The following PIK3R5 variants were observed in gnomAD, a reference collection of about 807,000 sequenced individuals.
The protein encoded by PIK3R5 is phosphoinositide-3-kinase regulatory subunit 5.
PIK3R5 carries 32 observed loss-of-function variants against 94.9 expected under a neutral mutation model. That is an observed-to-expected ratio of 0.34 (90% CI 0.25 to 0.45). The LOEUF (loss-of-function observed/expected upper bound fraction) is 0.45, where lower values mean the gene tolerates loss of function less well. Among genes scored for constraint, PIK3R5 ranks in the 20% least tolerant of loss-of-function variants. The pLI, the probability that PIK3R5 is intolerant of heterozygous loss-of-function variation, is 1.00. For synonymous variants in PIK3R5, 443 were observed against 479.4 expected, an observed-to-expected ratio of 0.92 and a Z score of 0.99; for missense variants, 853 against 1,144.6, an observed-to-expected ratio of 0.75 and a Z score of 3.68.
chr17:8,911,553 AGAGAGCACCT>A lies in PIK3R5; in HGVS notation c.-13-56_-13-47del. ...GGTCAGCTTGTCGAGCTCCTTTCCCAGAGAGCACCTGGTCCAGTAAAGACAACAGGTGCTC... is the reference window on the plus strand; with the variant it reads ...GGTCAGCTTGTCGAGCTCCTTTCCCAGGTCCAGTAAAGACAACAGGTGCTC... On this transcript the variant is annotated intron_variant, in intron 1 of 18. Transcript: ENST00000447110. This position sits in a 1 kb window ranked among gnomAD's most constrained non-coding sequence, Gnocchi z 5.3. The A allele has an allele frequency of 7.8e-7, 1 of 1,287,996 alleles. No homozygotes were observed. The highest frequency in any genetic ancestry group is 1.1e-6 in the Non-Finnish European group (1 of 907,564). 79.8% of individuals were successfully genotyped at this position (1,287,996 alleles called of 1,614,324 possible). A position where few individuals can be genotyped will look rare whatever the true frequency, so the allele number is the denominator to read the frequency against.
At chr17:8,899,294 C>T (rs75560052) in intron 5 of PIK3R5, among the ~76,000 whole-genome samples, 3,233 of 152,306 alleles carry the variant, frequency 0.021, 109 homozygotes, top group African/African-American at 0.073. Context: ...GCAGGATAAA[C>T]TGTTTCATTC....
chr17:8,938,431 G>A (rs192977177), intron 1 of PIK3R5, among the ~76,000 whole-genome samples: 5 of 152,186 alleles, frequency 3.3e-5, no homozygotes, highest in Admixed American at 1.3e-4. Context: ...ACCCTTCAGC[G>A]GCTTTTACTA....
rs992805271 is a variant in PIK3R5, at chr17:8,896,348, C to T, written c.413-2693G>A. 6.6e-6 allele frequency among the ~76,000 whole-genome samples: 1 copy of T among 152,182 alleles called. No homozygotes were observed. The highest frequency in any genetic ancestry group is 2.4e-5 in the African/African-American group (1 of 41,438). ...CTGGGGAGCCTCAGATCCACAGACA[C>T]CTCTCTCCCTTTGATCTTAGATCAC... On this transcript the variant is annotated intron_variant, in intron 5 of 18. Coordinates refer to ENST00000447110, the MANE Select transcript of PIK3R5 (RefSeq NM_001142633.3). The surrounding 1 kb of genome is among the most constrained non-coding windows in gnomAD (Gnocchi z 4.0).
intron 1 of PIK3R5, among the ~76,000 whole-genome samples, chr17:8,963,909 G>A (rs1487454997): frequency 1.3e-5 from 2 of 152,144 alleles, no homozygotes; most frequent in Non-Finnish European, 2.9e-5. Flanking sequence ...TCAAAAAGCA[G>A]GGGAGGGAGC....
chr17:8,921,150 T>C (rs1312559903), intron 1 of PIK3R5, among the ~76,000 whole-genome samples: 1 of 152,238 alleles, frequency 6.6e-6, no homozygotes, highest in African/African-American at 2.4e-5. Context: ...CTGTATTAAA[T>C]ATTTTATACT....
intron 1 of PIK3R5, among the ~76,000 whole-genome samples, chr17:8,946,143 A>G (rs1044076798): frequency 7.1e-6 from 1 of 139,936 alleles, no homozygotes; most frequent in Admixed American, 7.4e-5. Context: ...ACACTGCTGC[A>G]TTTTGGGATA....
At chr17:8,943,543 C>T (rs556530818) in intron 1 of PIK3R5, among the ~76,000 whole-genome samples, 67 of 152,220 alleles carry the variant, frequency 4.4e-4, no homozygotes, top group Admixed American at 7.2e-4. Flanking sequence ...GAGGCCGAGG[C>T]GGATGCATCA....
rs1251101089 is a variant in PIK3R5 at position 8,911,425 on chromosome 17, G to A, written c.70C>T (p.Leu24Phe). 2.5e-6 allele frequency: 4 copies of A among 1,599,958 alleles called. No homozygotes were observed. Among genetic ancestry groups the A allele is most frequent in the Non-Finnish European group, 3.4e-6 (4 of 1,179,892 alleles). ...GAGGTGGAGCGGCGGCTGAGGCTGA[G>A]TCCATGCAGGCAGCGTTCCAGGGCA... ...QHALERCLHGLSLSRRSTSWS... is the reference protein window; with the variant it reads ...QHALERCLHGFSLSRRSTSWS... Residue 24 changes from leucine to phenylalanine, a missense_variant, in exon 2 of 19, where the codon CTC becomes TTC. Transcript: ENST00000447110. This position sits in a 1 kb window ranked among gnomAD's most constrained non-coding sequence, Gnocchi z 5.3.
chr17:8,956,896 G>A (rs1288528963), intron 1 of PIK3R5, among the ~76,000 whole-genome samples: 2 of 152,158 alleles, frequency 1.3e-5, no homozygotes, highest in African/African-American at 4.8e-5. Flanking sequence ...AAGAACAAGA[G>A]ACCTCAAGAA....
chr17:8,947,820 G>T (rs2091302340), intron 1 of PIK3R5, among the ~76,000 whole-genome samples: 1 of 152,106 alleles, frequency 6.6e-6, no homozygotes, highest in South Asian at 2.1e-4. Context: ...GAGGCCGGTG[G>T]ATCACAAGGT....
At chr17:8,965,001 C>CCACACACACACACACA (rs10680170) in intron 1 of PIK3R5, among the ~76,000 whole-genome samples, 211 of 150,798 alleles carry the variant, frequency 1.4e-3, no homozygotes, top group Middle Eastern at 3.4e-3. Flanking sequence ...ATGCGCATGC[C>CCACACACACACACACA]CACACACACA....
At chr17:8,919,034 G>A (rs1257283266) in intron 1 of PIK3R5, among the ~76,000 whole-genome samples, 1 of 152,148 alleles carries the variant, frequency 6.6e-6, no homozygotes, top group East Asian at 1.9e-4. Flanking sequence ...CCTCACCAAA[G>A]TGTTCAGGTC....
rs1039568104 is a variant in PIK3R5 at position 8,945,130 on chromosome 17, C to T, written c.-14+20466G>A. On this transcript the variant is annotated intron_variant, in intron 1 of 18. Transcript: ENST00000447110. This position sits in a 1 kb window ranked among gnomAD's most constrained non-coding sequence, Gnocchi z 4.0. ...CAGCTGTGGCAGGCTTCTAGCCAAA[C>T]CCTGGCTCGGCCCCTCACCCCACTT... Among the ~76,000 whole-genome samples the T allele has an allele frequency of 1.3e-5, 2 of 152,154 alleles. No individual in the cohort carries two copies. Among genetic ancestry groups the T allele is most frequent in the African/African-American group, 2.4e-5 (1 of 41,416 alleles).
intron 10 of PIK3R5, 111 bp from the exon 11 acceptor site, chr17:8,887,794 AC>A: frequency 1.1e-6 from 1 of 946,712 alleles, no homozygotes; most frequent in Non-Finnish European, 1.6e-6. Flanking sequence ...GGAGTTCAAG[AC>A]CAGCCTGGTC....
chr17:8,914,582 T>C (rs181537), intron 1 of PIK3R5, among the ~76,000 whole-genome samples: 110,782 of 152,100 alleles, frequency 0.73, 41,121 homozygotes, highest in African/African-American at 0.88. Flanking sequence ...TCCGCAAAGC[T>C]GAGGGCAGAG....
chr17:8,907,601 C>T (rs1310257295), intron 3 of PIK3R5, among the ~76,000 whole-genome samples: 1 of 150,838 alleles, frequency 6.6e-6, no homozygotes, highest in East Asian at 1.9e-4. Flanking sequence ...CCATGCTTTT[C>T]CTGCATTGGT....
chr17:8,880,915 T>G lies in PIK3R5; in HGVS notation c.2485A>C (p.Ser829Arg), dbSNP rs375362615. The change falls in exon 18 of 19, where the codon AGT becomes CGT. Residue 829 changes from serine (S) to arginine (R), a missense_variant. By Grantham distance (110) the Ser-to-Arg change is moderately radical. Transcript: ENST00000447110. ...LDQDERKILQ[S>R]VVRCEVSPCY... Reference sequence around the variant, plus strand: ...ACCCCCCTTTCCTACCTGACTACACTCTGCAGGATCTTTCTCTCATCCTGG... The same window carrying G: ...ACCCCCCTTTCCTACCTGACTACACGCTGCAGGATCTTTCTCTCATCCTGG... The G allele has an allele frequency of 5.0e-6, 8 of 1,613,820 alleles. No individual in the cohort carries two copies. The highest frequency in any genetic ancestry group is 6.8e-6 in the Non-Finnish European group (8 of 1,179,782).
chr17:8,899,806 G>A (rs931716261), intron 5 of PIK3R5, among the ~76,000 whole-genome samples: 4 of 152,164 alleles, frequency 2.6e-5, no homozygotes, highest in South Asian at 2.1e-4. Context: ...TTGGGAGGCC[G>A]AGGTGGGCGG....
At chr17:8,941,130 G>C (rs540128051) in intron 1 of PIK3R5, among the ~76,000 whole-genome samples, 1 of 152,300 alleles carries the variant, frequency 6.6e-6, no homozygotes, top group South Asian at 2.1e-4. Flanking sequence ...GTTGCAGCAG[G>C]TCCTACTGTG....
Sources: allele counts gnomAD v4.1 joint callset (sites outside exome capture counted in the v4.1 genomes callset), GRCh38; gene constraint gnomAD v4.1.1; non-coding constraint Gnocchi (gnomAD v3.1); transcripts MANE v1.5; gene names NCBI Gene and HGNC (gene_info 2026-07-23, HGNC 2026-07-21).